LRRFIP2: variants seen among roughly 807,000 people sequenced by gnomAD.
The protein encoded by LRRFIP2 is LRR binding FLII interacting protein 2.
Under a neutral mutation model 125.9 loss-of-function variants are expected in LRRFIP2, and 109 were observed. The ratio of observed to expected loss-of-function variants is 0.87; its 90% CI spans 0.74 to 1.01. The LOEUF (loss-of-function observed/expected upper bound fraction) is 1.01. Among genes scored for constraint, LRRFIP2 ranks in the 50% least tolerant of loss-of-function variants. The pLI, the probability that LRRFIP2 is intolerant of heterozygous loss-of-function variation, is 0.00. For missense variants in LRRFIP2, 850 were observed against 862.3 expected (o/e 0.99, Z 0.18); for synonymous variants, 291 against 293.1 (o/e 0.99, Z 0.07).
chr3:37,114,377 T>A (rs1559907237), intron 7 of LRRFIP2, among the ~76,000 whole-genome samples: 1 of 152,188 alleles, frequency 6.6e-6, no homozygotes, highest in Non-Finnish European at 1.5e-5. Flanking sequence ...CTTTGTGACA[T>A]ATGACATAAA....
intron 17 of LRRFIP2, among the ~76,000 whole-genome samples, 161 bp from the exon 18 acceptor site, chr3:37,091,699 G>A (rs1218166087): frequency 6.6e-6 from 1 of 152,008 alleles, no homozygotes; most frequent in Non-Finnish European, 1.5e-5. Flanking sequence ...CACTGAAAAG[G>A]GCAAATAGGT....
chr3:37,155,474 A>G (rs1360205561), intron 1 of LRRFIP2, among the ~76,000 whole-genome samples: 1 of 152,226 alleles, frequency 6.6e-6, no homozygotes, highest in Non-Finnish European at 1.5e-5. Flanking sequence ...TTTGCTGTCT[A>G]GCACATGTAT....
intron 1 of LRRFIP2, among the ~76,000 whole-genome samples, chr3:37,167,015 CA>C (rs559847779): frequency 8.5e-5 from 12 of 141,904 alleles, no homozygotes; most frequent in East Asian, 2.0e-4. Flanking sequence ...AACTCTGTCT[CA>C]AAAAAAAAAG....
intron 21 of LRRFIP2, chr3:37,067,077 G>C (rs2090300654): frequency 6.6e-6 from 1 of 152,194 alleles, no homozygotes; most frequent in Admixed American, 6.6e-5. Flanking sequence ...GCACATACTT[G>C]TCCTATGCCT....
chr3:37,070,098 C>A (rs1038140682), intron 21 of LRRFIP2, among the ~76,000 whole-genome samples: 1 of 149,130 alleles, frequency 6.7e-6, no homozygotes, highest in African/African-American at 2.5e-5. Flanking sequence ...TATATAGGAT[C>A]TCTGTTAAAT....
chr3:37,158,676 A>C (rs754872956), intron 1 of LRRFIP2, among the ~76,000 whole-genome samples: 9 of 152,222 alleles, frequency 5.9e-5, no homozygotes, highest in Non-Finnish European at 1.3e-4. Flanking sequence ...GAACAATATA[A>C]GCCTAGGTAG....
At chr3:37,156,918 T>C (rs930573227) in intron 1 of LRRFIP2, among the ~76,000 whole-genome samples, 1 of 151,170 alleles carries the variant, frequency 6.6e-6, no homozygotes, top group Non-Finnish European at 1.5e-5. Context: ...TCACCTGAGG[T>C]TGGGAGTTCA....
At position 37,120,108 on chromosome 3, in the gene LRRFIP2, T is replaced by C. The variant is rs557311111; in HGVS notation, c.330+1384A>G. ...TCTGTAAAGATCTGTTAATATTCTT[T>C]TTTTTTTTTTTTTTTTGAGATGGAG... On this transcript the variant is annotated intron_variant, in intron 6 of 27. Transcript: ENST00000336686. 6.0e-5 allele frequency among the ~76,000 whole-genome samples: 9 copies of C among 149,242 alleles called. No homozygotes were observed. The East Asian group carries it at 1.8e-3, about 29-fold the overall frequency.
intron 15 of LRRFIP2, among the ~76,000 whole-genome samples, chr3:37,100,385 TACATACATACATGTGTATGTATATATAC>T (rs1322699028): frequency 1.3e-5 from 2 of 151,994 alleles, no homozygotes; most frequent in African/African-American, 4.8e-5. Flanking sequence ...CATGTATACA[TACATACATACATGTGTATGTATATATAC>T]ATATACATAC....
chr3:37,066,380 AAGGT>A (rs1468623792), intron 21 of LRRFIP2, 55 bp from the exon 22 acceptor site: 1 of 1,352,440 alleles, frequency 7.4e-7, no homozygotes. Context: ...GAGCAGGTGA[AAGGT>A]AGCAGAGAAG....
chr3:37,071,097 C>G (rs1007941757), intron 21 of LRRFIP2, among the ~76,000 whole-genome samples: 6 of 152,126 alleles, frequency 3.9e-5, no homozygotes, highest in Non-Finnish European at 5.9e-5. Flanking sequence ...TTCAAAACAC[C>G]TAACAGAATT....
intron 21 of LRRFIP2, chr3:37,068,509 A>G (rs1328224969): frequency 6.6e-6 from 1 of 152,214 alleles, no homozygotes; most frequent in East Asian, 1.9e-4. Context: ...ACTTCACCAC[A>G]AAGTTTGAAG....
chr3:37,113,184 C>T (rs2094615559), intron 7 of LRRFIP2, among the ~76,000 whole-genome samples: 1 of 152,242 alleles, frequency 6.6e-6, no homozygotes, highest in African/African-American at 2.4e-5. Flanking sequence ...TGCATTCCTC[C>T]CTCACCTCCC....
intron 18 of LRRFIP2, among the ~76,000 whole-genome samples, chr3:37,087,111 C>G (rs1395636787): frequency 1.3e-5 from 2 of 152,108 alleles, no homozygotes; most frequent in African/African-American, 4.8e-5. Context: ...ACCTTGGCCT[C>G]CAAAACTGGA....
intron 2 of LRRFIP2, among the ~76,000 whole-genome samples, chr3:37,137,632 T>A (rs1052621502): frequency 6.6e-6 from 1 of 152,144 alleles, no homozygotes; most frequent in African/African-American, 2.4e-5. Context: ...ATGTAGATAA[T>A]CTCCTTTTAC....
At chr3:37,152,764 G>C (rs1217757563) in intron 1 of LRRFIP2, among the ~76,000 whole-genome samples, 1 of 152,142 alleles carries the variant, frequency 6.6e-6, no homozygotes, top group Admixed American at 6.5e-5. Context: ...AAAAATGGTA[G>C]TGGTGCATGC....
chr3:37,106,553 G>A (rs2094333606), intron 13 of LRRFIP2, among the ~76,000 whole-genome samples: 1 of 152,132 alleles, frequency 6.6e-6, no homozygotes, highest in Non-Finnish European at 1.5e-5. Context: ...CACACCTGCA[G>A]TCCCAGCTAC....
At position 37,148,977 on chromosome 3, in the gene LRRFIP2, T is replaced by C. The variant is rs1484794438; in HGVS notation, c.7A>G (p.Thr3Ala). The change falls in exon 2 of 28, where the codon ACT becomes GCT. Residue 3 changes from threonine to alanine, a missense_variant. By Grantham distance (58) the Thr-to-Ala change is moderately conservative. Transcript: ENST00000336686. ...GTTCTTTTCCTTCCAGAAGCAGGAG[T>C]CCCCATCTTGTGTTCTTAATAGTCT... MGTPASGRKRTPV... is the reference protein window; with the variant it reads MGAPASGRKRTPV... The C allele has an allele frequency of 2.9e-5, 46 of 1,613,692 alleles. No homozygotes were observed. In the Admixed American group the frequency reaches 7.7e-4, roughly 27 times the overall value.
intron 4 of LRRFIP2, among the ~76,000 whole-genome samples, chr3:37,127,263 G>T: frequency 6.6e-6 from 1 of 151,956 alleles, no homozygotes. Flanking sequence ...ATTTTCAGAG[G>T]AAATGAAAAG....
Sources: allele counts gnomAD v4.1 joint callset (sites outside exome capture counted in the v4.1 genomes callset), GRCh38; gene constraint gnomAD v4.1.1; transcripts MANE v1.5; gene names NCBI Gene and HGNC (gene_info 2026-07-23, HGNC 2026-07-21).